The following VWA3B variants were observed in gnomAD, a reference collection of about 807,000 sequenced individuals.
The protein encoded by VWA3B is von Willebrand factor A domain-containing protein 3B.
A neutral mutation model predicts 158.3 loss-of-function variants in VWA3B; 138 were observed. The observed-to-expected ratio is 0.87, with a 90% CI of 0.76 to 1.00. The LOEUF is 1.00. Ranked by LOEUF, VWA3B falls within the 50% of genes least tolerant of loss-of-function variation. The probability of loss-of-function intolerance (pLI) is 0.00; values close to 1 mark genes in which losing one functional copy is unlikely to be tolerated. For missense variants in VWA3B, 1,555 were observed against 1,565.1 expected (o/e 0.99, Z 0.11); for synonymous variants, 596 against 587.3 (o/e 1.01, Z -0.21).
chr2:98,209,273 T>G (rs1028539062), intron 12 of VWA3B, among the ~76,000 whole-genome samples: 24 of 152,104 alleles, frequency 1.6e-4, no homozygotes, highest in Non-Finnish European at 7.4e-5. Context: ...AAATTTGTTT[T>G]TTTGTTTGTT....
chr2:98,237,244 G>A (rs758960938), intron 19 of VWA3B, among the ~76,000 whole-genome samples: 5 of 152,184 alleles, frequency 3.3e-5, no homozygotes, highest in Non-Finnish European at 5.9e-5. Flanking sequence ...TTGGCACTTC[G>A]TGGTTCGTTG....
chr2:98,187,419 C>T lies in VWA3B; in HGVS notation c.1312-556C>T, dbSNP rs373401561. Among the ~76,000 whole-genome samples, 62 of 151,860 alleles carry T rather than the reference C, an allele frequency of 4.1e-4. No homozygotes were observed. In the East Asian group the frequency reaches 5.8e-3, roughly 14 times the overall value. On this transcript the variant is annotated intron_variant, in intron 9 of 27. Coordinates refer to ENST00000477737, the MANE Select transcript of VWA3B (RefSeq NM_144992.5). ...GAGGTCCACTGAGGAGGGCTCGCTC[C>T]GTCTGTCTCAGTGGAGGGCGCTAGA...
chr2:98,296,327 C>T (rs1242010348), intron 23 of VWA3B, among the ~76,000 whole-genome samples: 3 of 152,110 alleles, frequency 2.0e-5, no homozygotes, highest in Non-Finnish European at 2.9e-5. Context: ...CAATCAGGAG[C>T]GGCTCTTGTT....
At chr2:98,295,170 G>A (rs544300066) in intron 23 of VWA3B, among the ~76,000 whole-genome samples, 2 of 152,238 alleles carry the variant, frequency 1.3e-5, no homozygotes, top group South Asian at 2.1e-4. Flanking sequence ...CGAGGACTGT[G>A]AAGGATGACA....
At position 98,188,507 on chromosome 2, in the gene VWA3B, C is replaced by T. The variant is rs570071966; in HGVS notation, c.1466+378C>T. Among the ~76,000 whole-genome samples the T allele has an allele frequency of 7.2e-5, 11 of 152,288 alleles. No individual in the cohort carries two copies. The South Asian group carries it at 2.1e-3, about 29-fold the overall frequency. On this transcript the variant is annotated intron_variant, in intron 10 of 27. Coordinates refer to ENST00000477737, the MANE Select transcript of VWA3B (RefSeq NM_144992.5). ...CAACCTCCCTATCCTCTCTCCCTAC[C>T]TTTCTCAGTCTCTAATACAGTTCTA... is the stretch of plus-strand genomic sequence containing the variant.
At chr2:98,282,265 T>C (rs1688921305) in intron 22 of VWA3B, among the ~76,000 whole-genome samples, 1 of 150,990 alleles carries the variant, frequency 6.6e-6, no homozygotes, top group African/African-American at 2.5e-5. Flanking sequence ...GCCATTGTGC[T>C]TCATCTGTGG....
intron 6 of VWA3B, among the ~76,000 whole-genome samples, chr2:98,130,028 C>T (rs775041084): frequency 2.0e-5 from 3 of 152,122 alleles, no homozygotes; most frequent in Admixed American, 6.5e-5. Context: ...AGGATCCACA[C>T]CGGCACCGGC....
chr2:98,234,624 C>T (rs1413152319), intron 16 of VWA3B, 24 bp from the exon 17 acceptor site: 2 of 1,613,998 alleles, frequency 1.2e-6, no homozygotes, highest in South Asian at 2.2e-5. Flanking sequence ...ATTCCTTTAA[C>T]TCTTCCCTCT....
chr2:98,098,859 TA>T (rs750266706), intron 2 of VWA3B, among the ~76,000 whole-genome samples: 8 of 152,134 alleles, frequency 5.3e-5, no homozygotes, highest in Non-Finnish European at 1.0e-4. Context: ...TTTTTATTTT[TA>T]GTGTATCTAT....
intron 8 of VWA3B, among the ~76,000 whole-genome samples, chr2:98,169,460 GA>G (rs369156020): frequency 0.019 from 2,668 of 141,938 alleles, 70 homozygotes; most frequent in African/African-American, 0.063. Context: ...AAACCTGTCA[GA>G]AAAAAAAAAG....
the VWA3B span, among the ~76,000 whole-genome samples, chr2:98,325,019 A>C: frequency 1.3e-5 from 2 of 152,218 alleles, no homozygotes; most frequent in African/African-American, 4.8e-5. Flanking sequence ...AAGAGATACA[A>C]GATTTAAATA....
At chr2:98,252,153 G>A (rs1686840081) in intron 20 of VWA3B, among the ~76,000 whole-genome samples, 1 of 152,004 alleles carries the variant, frequency 6.6e-6, no homozygotes, top group Non-Finnish European at 1.5e-5. Context: ...CCTTCGTGTG[G>A]CCCTCAGAGC....
rs200430864 is a variant in VWA3B, at chr2:98,286,178, CT to C, written c.3046-4331del. ...ATTAATTCTAGTAGTTTTTGGGTGACTTCCCCGGAGTTTTCACATACAGAAT... is the reference window on the plus strand; with the variant it reads ...ATTAATTCTAGTAGTTTTTGGGTGACTCCCCGGAGTTTTCACATACAGAAT... On this transcript the variant is annotated intron_variant, in intron 22 of 27. Transcript: ENST00000477737. 1.1e-3 allele frequency among the ~76,000 whole-genome samples: 171 copies of C among 152,168 alleles called. 3 individuals are homozygous for C. The East Asian group carries it at 0.029, about 26-fold the overall frequency.
At chr2:98,179,814 CTTTCTT>C (rs1680365607) in intron 8 of VWA3B, among the ~76,000 whole-genome samples, 1 of 111,614 alleles carries the variant, frequency 9.0e-6, no homozygotes, top group Non-Finnish European at 1.7e-5. Context: ...TTCTTTCTTT[CTTTCTT>C]TCTTTCTTTT....
intron 7 of VWA3B, among the ~76,000 whole-genome samples, chr2:98,154,629 G>A (rs1387320717): frequency 6.6e-6 from 1 of 152,184 alleles, no homozygotes; most frequent in Admixed American, 6.5e-5. Flanking sequence ...GGTGGGCTCA[G>A]CCCAGGGCTT....
intron 26 of VWA3B, among the ~76,000 whole-genome samples, chr2:98,306,829 C>T (rs1035092727): frequency 6.6e-6 from 1 of 152,194 alleles, no homozygotes; most frequent in African/African-American, 2.4e-5. Flanking sequence ...TGGAAGTCTT[C>T]ATTGACTCTC....
At chr2:98,288,927 G>T (rs376057983) in intron 22 of VWA3B, among the ~76,000 whole-genome samples, 6 of 152,126 alleles carry the variant, frequency 3.9e-5, no homozygotes, top group Admixed American at 6.5e-5. Context: ...CCATCGTGTT[G>T]TCAATGTTGT....
rs1690997102 is a variant in VWA3B at position 98,312,947 on chromosome 2, A to G, written c.*598A>G. 6.6e-6 allele frequency: 1 copy of G among 152,250 alleles called. No homozygotes were observed. Among genetic ancestry groups the G allele is most frequent in the African/African-American group, 2.4e-5 (1 of 41,460 alleles). The allele number at this position is 152,250 out of a possible 1,614,324, so 9.4% of individuals were successfully genotyped here. A position where few individuals can be genotyped will look rare whatever the true frequency, so the allele number is the denominator to read the frequency against. On this transcript the variant is annotated 3_prime_UTR_variant, in exon 28 of 28. Transcript: ENST00000477737. ...CTTACATTGGAAACATTTCAAAACCATTGGATTGTTGGATTATTTGTTACC... is the reference window on the plus strand; with the variant it reads ...CTTACATTGGAAACATTTCAAAACCGTTGGATTGTTGGATTATTTGTTACC...
intron 7 of VWA3B, among the ~76,000 whole-genome samples, chr2:98,154,128 C>A (rs1677864479): frequency 6.6e-6 from 1 of 152,176 alleles, no homozygotes; most frequent in Non-Finnish European, 1.5e-5. Context: ...TCCCAAAGTG[C>A]TGGGGTTACA....
Sources: allele counts gnomAD v4.1 joint callset (sites outside exome capture counted in the v4.1 genomes callset), GRCh38; gene constraint gnomAD v4.1.1; transcripts MANE v1.5; gene names NCBI Gene and HGNC (gene_info 2026-07-23, HGNC 2026-07-21).